MAPT: variants seen among roughly 807,000 people sequenced by gnomAD.
MAPT encodes the protein microtubule associated protein tau, also known as microtubule-associated protein tau.
MAPT carries 34 observed loss-of-function variants against 67.9 expected under a neutral mutation model. The observed-to-expected ratio is 0.50, with a 90% CI of 0.38 to 0.67. The LOEUF (loss-of-function observed/expected upper bound fraction) is 0.67. Ranked by LOEUF, MAPT falls within the 30% of genes least tolerant of loss-of-function variation. The pLI is 0.00. For synonymous variants in MAPT, 456 were observed against 464.5 expected, an observed-to-expected ratio of 0.98 and a Z score of 0.23; for missense variants, 881 against 1,115.2, an observed-to-expected ratio of 0.79 and a Z score of 2.99.
At chr17:45,965,201 G>A (rs924420255) in intron 2 of MAPT, among the ~76,000 whole-genome samples, 1 of 152,018 alleles carries the variant, frequency 6.6e-6, no homozygotes, top group Admixed American at 6.5e-5. Context: ...GGAGGCTAAG[G>A]TGGGCAGATC....
chr17:45,942,272 C>T (rs1397331116), intron 1 of MAPT, among the ~76,000 whole-genome samples: 1 of 152,218 alleles, frequency 6.6e-6, no homozygotes, highest in Non-Finnish European at 1.5e-5. Flanking sequence ...CTACTGTTTT[C>T]ACTTGATGAT....
At chr17:45,919,304 C>T (rs1311934488) in intron 1 of MAPT, among the ~76,000 whole-genome samples, 1 of 152,098 alleles carries the variant, frequency 6.6e-6, no homozygotes, top group Admixed American at 6.6e-5. Context: ...ATTGTGTTCT[C>T]ACTTACACGA....
At chr17:45,946,953 C>T (rs561938366) in intron 1 of MAPT, among the ~76,000 whole-genome samples, 39 of 152,284 alleles carry the variant, frequency 2.6e-4, no homozygotes, top group African/African-American at 8.7e-4. Context: ...CTCATACAAT[C>T]GTTGATTATT....
intron 1 of MAPT, among the ~76,000 whole-genome samples, chr17:45,959,338 T>C (rs2070117555): frequency 6.6e-6 from 1 of 152,194 alleles, no homozygotes; most frequent in Non-Finnish European, 1.5e-5. Context: ...CTTTCATCTA[T>C]AAGCACAAAA....
intron 1 of MAPT, among the ~76,000 whole-genome samples, chr17:45,908,794 C>T (rs2064522057): frequency 1.3e-5 from 2 of 152,162 alleles, no homozygotes; most frequent in South Asian, 2.1e-4. Flanking sequence ...TTGCCTCCCA[C>T]GTTCTCCTCC....
At chr17:45,913,914 C>G (rs553132225) in intron 1 of MAPT, among the ~76,000 whole-genome samples, 21 of 152,094 alleles carry the variant, frequency 1.4e-4, no homozygotes, top group Non-Finnish European at 2.4e-4. Flanking sequence ...TCATGATGCT[C>G]ACAGAATCCA....
chr17:45,938,381 G>T (rs1412695416), intron 1 of MAPT, among the ~76,000 whole-genome samples: 1 of 152,224 alleles, frequency 6.6e-6, no homozygotes, highest in Non-Finnish European at 1.5e-5. Context: ...GCAATGGCAG[G>T]ATGAGTCCTC....
Position 45,982,996 on chromosome 17 carries a change from A to G in MAPT, c.417A>G (p.Lys139=). Residue 139 remains lysine, a synonymous_variant, in exon 5 of 13, where the codon AAA becomes AAG. Coordinates refer to ENST00000262410, the MANE Select transcript of MAPT (RefSeq NM_001377265.1). The stretch of plus-strand genomic sequence containing the variant: ...TCTCTGGGCCGTGCCTCGGGGAGAA[A>G]GAGCCAGAAGCTCCCGTCCCGCTGA... The part of the protein sequence containing the change: ...SGVSGPCLGE[K]EPEAPVPLTA... 1 of 1,443,096 alleles carries G rather than the reference A, an allele frequency of 6.9e-7. No homozygotes were observed. Among genetic ancestry groups the G allele is most frequent in the Non-Finnish European group, 9.1e-7 (1 of 1,100,040 alleles). The allele number at this position is 1,443,096 out of a possible 1,614,324, so 89.4% of individuals were successfully genotyped here. A position where few individuals can be genotyped will look rare whatever the true frequency, so the allele number is the denominator to read the frequency against.
At chr17:45,948,852 C>G (rs1488352628) in intron 1 of MAPT, among the ~76,000 whole-genome samples, 5 of 152,140 alleles carry the variant, frequency 3.3e-5, no homozygotes, top group African/African-American at 1.2e-4. Flanking sequence ...GAACAGGAGA[C>G]CAGAGCAAAG....
chr17:46,021,319 C>G (rs2076516226), intron 12 of MAPT, among the ~76,000 whole-genome samples: 1 of 152,214 alleles, frequency 6.6e-6, no homozygotes, highest in Non-Finnish European at 1.5e-5. Flanking sequence ...GGCTGTCCGC[C>G]TCAAGAGATG....
chr17:45,935,235 C>T (rs1345334044), intron 1 of MAPT, among the ~76,000 whole-genome samples: 2 of 152,128 alleles, frequency 1.3e-5, no homozygotes, highest in Admixed American at 6.5e-5. Context: ...GGGATGCTGG[C>T]TCTTCCCTCA....
In MAPT at chr17:45,996,193, G is replaced by A. The variant is rs186269320; in HGVS notation, c.1733-206G>A. On this transcript the variant is annotated intron_variant, in intron 8 of 12. Transcript: ENST00000262410. The surrounding 1 kb of genome is among the most constrained non-coding windows in gnomAD (Gnocchi z 4.5). Reference sequence around the variant, plus strand: ...TTTTCCATTGCTTTCCTGGGAAAGGGGTGTCTCTGTCCCTAAGCAAAAAGG... The same window carrying A: ...TTTTCCATTGCTTTCCTGGGAAAGGAGTGTCTCTGTCCCTAAGCAAAAAGG... 2.0e-4 allele frequency among the ~76,000 whole-genome samples: 30 copies of A among 152,230 alleles called. No homozygotes were observed. The highest frequency in any genetic ancestry group is 8.5e-4 in the Admixed American group (13 of 15,298).
At chr17:45,964,582 G>T (rs2070838163) in intron 2 of MAPT, among the ~76,000 whole-genome samples, 1 of 151,926 alleles carries the variant, frequency 6.6e-6, no homozygotes, top group African/African-American at 2.4e-5. Flanking sequence ...TACTCAAGAG[G>T]CAGAGGCAGG....
At chr17:45,946,619 T>A (rs199632002) in intron 1 of MAPT, among the ~76,000 whole-genome samples, 60,435 of 81,134 alleles carry the variant, frequency 0.74, 22,173 homozygotes, top group East Asian at 0.81. Context: ...AAAAAAAATA[T>A]ATATATATAT....
intron 11 of MAPT, among the ~76,000 whole-genome samples, chr17:46,014,568 G>C (rs1020950636): frequency 2.0e-5 from 3 of 152,180 alleles, no homozygotes; most frequent in African/African-American, 7.2e-5. Flanking sequence ...AATAAGGCAG[G>C]CACAGAAAGA....
chr17:45,952,603 A>T (rs1363737513), intron 1 of MAPT, among the ~76,000 whole-genome samples: 1 of 152,140 alleles, frequency 6.6e-6, no homozygotes, highest in Admixed American at 6.5e-5. Context: ...TGGGCAACAT[A>T]GTGAAACCCC....
intron 1 of MAPT, among the ~76,000 whole-genome samples, chr17:45,930,407 CAAAA>C (rs67120979): frequency 0.27 from 21,773 of 82,016 alleles, 2,144 homozygotes; most frequent in Middle Eastern, 0.37. Context: ...ATTCTGTCTC[CAAAA>C]AAAAAAAAAA....
chr17:45,949,125 A>G lies in MAPT; in HGVS notation c.-17-13196A>G, dbSNP rs188621696. On this transcript the variant is annotated intron_variant, in intron 1 of 12. Coordinates refer to ENST00000262410, the MANE Select transcript of MAPT (RefSeq NM_001377265.1). ...GATTCCAGTCTGAGTTTTTAACTGA[A>G]GGGATAAGGAGGACCACGCTTTCCC... is the stretch of plus-strand genomic sequence containing the variant. Among the ~76,000 whole-genome samples the G allele has an allele frequency of 4.0e-3, 613 of 152,350 alleles. 3 individuals are homozygous for G. Among genetic ancestry groups the G allele is most frequent in the Middle Eastern group, 0.014 (4 of 294 alleles).
rs143624519 is a variant in MAPT at position 45,991,484 on chromosome 17, G to T, written c.1630G>T (p.Ala544Ser). ...GGGGGCTGATGGTAAAACGAAGATCGCCACACCGCGGGGAGCAGCCCCTCC... is the reference window on the plus strand; with the variant it reads ...GGGGGCTGATGGTAAAACGAAGATCTCCACACCGCGGGGAGCAGCCCCTCC... ...LKGADGKTKI[A>S]TPRGAAPPGQ... Residue 544 changes from alanine to serine, a missense_variant, in exon 8 of 13, where the codon GCC becomes TCC. Around this residue, in one of 6 missense-constraint regions of MAPT, gnomAD observed 687 missense variants for 766.1 expected, o/e 0.90. Transcript: ENST00000262410. 5.6e-6 allele frequency: 9 copies of T among 1,614,190 alleles called. No individual in the cohort carries two copies. Among genetic ancestry groups the T allele is most frequent in the Admixed American group, 3.3e-5 (2 of 60,024 alleles).
Sources: gnomAD v4.1 joint callset for allele counts (sites outside exome capture counted in the v4.1 genomes callset) on GRCh38, gnomAD v4.1.1 for gene constraint, gnomAD v4.1.1 regional missense constraint, Gnocchi (gnomAD v3.1) non-coding constraint, MANE v1.5 for transcripts, NCBI Gene and HGNC (gene_info 2026-07-23, HGNC 2026-07-21) for gene names.